DOP1B: variants seen among roughly 807,000 people sequenced by gnomAD.
DOP1B encodes DOP1 leucine zipper like protein B.
In DOP1B, 174 loss-of-function variants were observed where a neutral mutation model predicts 233.5. That is an observed-to-expected ratio of 0.75 (90% CI 0.66 to 0.85). The LOEUF (loss-of-function observed/expected upper bound fraction) is 0.85. DOP1B is among the 40% of genes least tolerant of loss of function. The pLI is 0.00. For missense variants in DOP1B, 2,652 were observed against 2,846.6 expected (o/e 0.93, Z 1.56); for synonymous variants, 1,190 against 1,185.6 (o/e 1.00, Z -0.08).
intron 15 of DOP1B, among the ~76,000 whole-genome samples, chr21:36,233,645 C>A (rs2066793054): frequency 6.6e-6 from 1 of 152,188 alleles, no homozygotes; most frequent in Admixed American, 6.5e-5. Flanking sequence ...ATAAATGTTT[C>A]TTTATTTCCT....
At chr21:36,232,181 C>A (rs1441488464) in intron 14 of DOP1B, among the ~76,000 whole-genome samples, 1 of 151,954 alleles carries the variant, frequency 6.6e-6, no homozygotes, top group Admixed American at 6.6e-5. Context: ...TGGGGTTTCA[C>A]CATGTTGGCC....
intron 2 of DOP1B, among the ~76,000 whole-genome samples, chr21:36,178,399 T>A (rs141339891): frequency 2.0e-4 from 30 of 149,796 alleles, no homozygotes; most frequent in African/African-American, 6.9e-4. Context: ...CTTGGGAGGC[T>A]GAGGTGGGAG....
In DOP1B at chr21:36,263,770, A is replaced by G. The variant is rs1489437516; in HGVS notation, c.5443A>G (p.Arg1815Gly). 2 of 1,614,250 alleles carry G rather than the reference A, an allele frequency of 1.2e-6. No homozygotes were observed. The highest frequency in any genetic ancestry group is 1.7e-6 in the Non-Finnish European group (2 of 1,180,052). The change falls in exon 26 of 37, where the codon AGA (arginine) becomes GGA (glycine). Residue 1815 changes from arginine to glycine, a missense_variant. Coordinates refer to ENST00000691173, the MANE Select transcript of DOP1B (RefSeq NM_001320714.2). ...CAGCATGCTGAATGACTTTGTAACA[A>G]GAACTCCCAACCTGGAAAACAAGAA... ...LLSMLNDFVTRTPNLENKKDQ... is the reference protein window; with the variant it reads ...LLSMLNDFVTGTPNLENKKDQ...
intron 4 of DOP1B, among the ~76,000 whole-genome samples, chr21:36,203,033 C>A (rs567067361): frequency 6.6e-6 from 1 of 152,366 alleles, no homozygotes; most frequent in Non-Finnish European, 1.5e-5. Flanking sequence ...TCTTTTAAAT[C>A]TGTGTGAATC....
At position 36,288,807 on chromosome 21, in the gene DOP1B, T is replaced by C. The variant is rs2146258781; in HGVS notation, c.6349T>C (p.Leu2117=). ...EEDLKDEDES[L]RSTNKVNRTK... The stretch of plus-strand genomic sequence containing the variant: ...AGATCTAAAAGATGAAGATGAGTCA[T>C]TGAGGTAAGCAGTACAAGATCTGTA... The change falls in exon 34 of 37, where the codon TTG becomes CTG. Residue 2117 remains leucine (L), a synonymous_variant. Transcript: ENST00000691173. The C allele has an allele frequency of 1.2e-6, 2 of 1,612,720 alleles. No homozygotes were observed. The highest frequency in any genetic ancestry group is 8.5e-7 in the Non-Finnish European group (1 of 1,179,010).
intron 22 of DOP1B, among the ~76,000 whole-genome samples, chr21:36,252,972 A>C (rs1267040525): frequency 6.6e-6 from 1 of 151,952 alleles, no homozygotes; most frequent in Non-Finnish European, 1.5e-5. Context: ...ACACTCCCCC[A>C]GTGCTCAGCC....
chr21:36,208,421 G>A (rs1307063293), intron 4 of DOP1B, among the ~76,000 whole-genome samples: 2 of 152,232 alleles, frequency 1.3e-5, no homozygotes, highest in Admixed American at 1.3e-4. Flanking sequence ...CACGGCCAGG[G>A]TGGAGATGGG....
chr21:36,246,090 C>G lies in DOP1B; in HGVS notation c.4110C>G (p.Asn1370Lys). Reference protein sequence around the residue: ...VSVAKSSEGKNVEFIHSLLQR... With the variant: ...VSVAKSSEGKKVEFIHSLLQR... Reference sequence around the variant, plus strand: ...TGGCCAAGTCTTCGGAAGGGAAGAACGTGGAGTTCATCCACAGCTTGCTGC... The same window carrying G: ...TGGCCAAGTCTTCGGAAGGGAAGAAGGTGGAGTTCATCCACAGCTTGCTGC... Residue 1370 changes from asparagine to lysine, a missense_variant, in exon 19 of 37, where the codon AAC becomes AAG. Coordinates refer to ENST00000691173, the MANE Select transcript of DOP1B (RefSeq NM_001320714.2). This position sits in a 1 kb window ranked among gnomAD's most constrained non-coding sequence, Gnocchi z 5.1. 6.2e-7 allele frequency: 1 copy of G among 1,614,090 alleles called. No individual in the cohort carries two copies. Among genetic ancestry groups the G allele is most frequent in the Non-Finnish European group, 8.5e-7 (1 of 1,180,030 alleles).
Position 36,169,786 on chromosome 21 carries a change from T to C in DOP1B, c.138+4915T>C. The C allele has an allele frequency of 4.0e-6, 5 of 1,258,038 alleles. No individual in the cohort carries two copies. The South Asian group carries it at 6.0e-5, about 15-fold the overall frequency. The allele number at this position is 1,258,038 out of a possible 1,614,324, so 77.9% of individuals were successfully genotyped here. ...CTCATCCTGCCATTTCTTGCAGTAC[T>C]TGGTAAAGGCCTTCTTCCTAGATTT... On this transcript the variant is annotated intron_variant, in intron 2 of 36. Transcript: ENST00000691173.
intron 2 of DOP1B, among the ~76,000 whole-genome samples, chr21:36,177,810 C>CT (rs762086744): frequency 4.6e-5 from 7 of 152,204 alleles, no homozygotes; most frequent in Non-Finnish European, 1.0e-4. Flanking sequence ...GATGCAGCCC[C>CT]TTGAGCTTGG....
intron 2 of DOP1B, among the ~76,000 whole-genome samples, chr21:36,166,402 C>T (rs1411241065): frequency 1.3e-5 from 2 of 151,534 alleles, no homozygotes; most frequent in African/African-American, 4.9e-5. Context: ...GCACCACTGC[C>T]CTCCATCCTG....
intron 5 of DOP1B, among the ~76,000 whole-genome samples, chr21:36,211,304 A>G (rs1172448254): frequency 1.3e-5 from 2 of 151,946 alleles, no homozygotes; most frequent in Non-Finnish European, 2.9e-5. Context: ...AGATCATAGA[A>G]CCCGGCCATC....
chr21:36,190,386 A>C (rs1555887465), intron 2 of DOP1B, among the ~76,000 whole-genome samples: 1 of 147,866 alleles, frequency 6.8e-6, no homozygotes, highest in South Asian at 2.1e-4. Context: ...TTTCCTGGCC[A>C]GTTCATCTCT....
chr21:36,183,166 C>A (rs2284629), intron 2 of DOP1B, among the ~76,000 whole-genome samples: 1 of 152,028 alleles, frequency 6.6e-6, no homozygotes, highest in South Asian at 2.1e-4. Flanking sequence ...CACAGGTGCG[C>A]GCCACTGTGC....
intron 2 of DOP1B, among the ~76,000 whole-genome samples, chr21:36,165,277 C>A (rs1008196588): frequency 2.6e-5 from 4 of 152,132 alleles, no homozygotes; most frequent in Non-Finnish European, 5.9e-5. Flanking sequence ...TCTTTGTATA[C>A]TCCTTAGGAT....
intron 10 of DOP1B, among the ~76,000 whole-genome samples, chr21:36,222,280 T>A (rs1179132776): frequency 1.3e-5 from 2 of 152,000 alleles, no homozygotes; most frequent in Non-Finnish European, 2.9e-5. Flanking sequence ...TCCTGAGCCA[T>A]AGAAGATAAA....
chr21:36,239,107 CAAAG>C (rs1302937642), intron 17 of DOP1B, among the ~76,000 whole-genome samples: 1 of 152,124 alleles, frequency 6.6e-6, no homozygotes, highest in Non-Finnish European at 1.5e-5. Flanking sequence ...CCATCTCAAA[CAAAG>C]AAAAGCTGAC....
chr21:36,278,451 G>T (rs995960829), intron 30 of DOP1B, 96 bp downstream of exon 30: 2 of 1,370,804 alleles, frequency 1.5e-6, no homozygotes, highest in African/African-American at 2.9e-5. Flanking sequence ...TAGAAGCAGA[G>T]CCATAGGATC....
At position 36,200,319 on chromosome 21, in the gene DOP1B, T is replaced by C; in HGVS notation, c.321-12T>C. 1 of 1,578,584 alleles carries C rather than the reference T, an allele frequency of 6.3e-7. No individual in the cohort carries two copies. The highest frequency in any genetic ancestry group is 8.6e-7 in the Non-Finnish European group (1 of 1,161,428). On this transcript the variant is annotated splice_polypyrimidine_tract_variant and intron_variant, in intron 3 of 36. Coordinates refer to ENST00000691173, the MANE Select transcript of DOP1B (RefSeq NM_001320714.2). Reference sequence around the variant, plus strand: ...TTATTTCTGCCCCGCTCCCTCTCGTTCTTTCTCGAAGCTGCGGGTTATTTC... The same window carrying C: ...TTATTTCTGCCCCGCTCCCTCTCGTCCTTTCTCGAAGCTGCGGGTTATTTC...
Sources: allele counts gnomAD v4.1 joint callset (sites outside exome capture counted in the v4.1 genomes callset), GRCh38; gene constraint gnomAD v4.1.1; non-coding constraint Gnocchi (gnomAD v3.1); transcripts MANE v1.5; gene names NCBI Gene and HGNC (gene_info 2026-07-23, HGNC 2026-07-21).